The following DCAF8L2 variants were observed in gnomAD, a reference collection of about 807,000 sequenced individuals.
The protein encoded by DCAF8L2 is DDB1 and CUL4 associated factor 8 like 2, also known as DDB1- and CUL4-associated factor 8-like protein 2.
For missense variants in DCAF8L2, 430 were observed against 490.7 expected, an observed-to-expected ratio of 0.88 and a Z score of 1.17; for synonymous variants, 200 against 190.9, an observed-to-expected ratio of 1.05 and a Z score of -0.39.
In DCAF8L2 at chrX:27,644,355, G is replaced by A. The variant is rs999414313; in HGVS notation, c.-220+12355G>A. ...CTTTATCCCCAGGGTACACAGGAAA[G>A]ACACAGAGGAGATATTCAATTACTG... On this transcript the variant is annotated intron_variant, in intron 2 of 4. Coordinates refer to ENST00000451261, the MANE Select transcript of DCAF8L2 (RefSeq NM_001353450.2). Among the ~76,000 whole-genome samples, 19 of 111,773 alleles carry A rather than the reference G, an allele frequency of 1.7e-4. No homozygotes were observed. In the Admixed American group the frequency reaches 1.7e-3, roughly 10 times the overall value.
chrX:27,527,512 GTGGGCTGCACCCAC>G, the DCAF8L2 span, among the ~76,000 whole-genome samples: 1 of 111,104 alleles, frequency 9.0e-6, no homozygotes, highest in African/African-American at 3.3e-5. Context: ...CTCACGCTCG[GTGGGCTGCACCCAC>G]TGTCCTGCTC....
At chrX:27,576,774 A>G in the DCAF8L2 span, among the ~76,000 whole-genome samples, 1 of 112,283 alleles carries the variant, frequency 8.9e-6, no homozygotes, top group Non-Finnish European at 1.9e-5. Context: ...GTTATATTAA[A>G]AATACATTAA....
chrX:27,538,669 G>A, the DCAF8L2 span, among the ~76,000 whole-genome samples: 12 of 51 alleles, frequency 0.24, no homozygotes, highest in African/African-American at 0.42. Flanking sequence ...TGGGATTACA[G>A]GCGTGAGCAC....
the DCAF8L2 span, among the ~76,000 whole-genome samples, chrX:27,491,939 A>C: frequency 8.9e-6 from 1 of 112,384 alleles, no homozygotes; most frequent in Non-Finnish European, 1.9e-5. Flanking sequence ...CATAGCAAAA[A>C]ATCATCCATA....
the DCAF8L2 span, among the ~76,000 whole-genome samples, chrX:27,537,750 A>G: frequency 8.9e-6 from 1 of 112,049 alleles, no homozygotes; most frequent in African/African-American, 3.2e-5. Context: ...TTTTTTCTGC[A>G]TATTAAAGAT....
chrX:27,659,915 T>C (rs1401202630), intron 2 of DCAF8L2, among the ~76,000 whole-genome samples: 1 of 111,818 alleles, frequency 8.9e-6, no homozygotes, highest in Non-Finnish European at 1.9e-5. Flanking sequence ...TTCTTTTCAG[T>C]CATTTAATAT....
At chrX:27,562,443 C>T in the DCAF8L2 span, among the ~76,000 whole-genome samples, 5 of 112,397 alleles carry the variant, frequency 4.4e-5, no homozygotes, top group African/African-American at 1.3e-4. Context: ...TGGTGAGTGA[C>T]CCAGCTCTAA....
chrX:27,592,268 C>T (rs777025344), intron 1 of DCAF8L2, among the ~76,000 whole-genome samples: 1 of 112,361 alleles, frequency 8.9e-6, no homozygotes, highest in Non-Finnish European at 1.9e-5. Flanking sequence ...ACACAGCCTC[C>T]TTTCACGTCC....
At chrX:27,718,519 C>T (rs1178966241) in intron 4 of DCAF8L2, among the ~76,000 whole-genome samples, 1 of 111,481 alleles carries the variant, frequency 9.0e-6, no homozygotes, top group African/African-American at 3.3e-5. Context: ...AAACATTATT[C>T]TGAGTGTGCC....
intron 3 of DCAF8L2, among the ~76,000 whole-genome samples, chrX:27,702,481 A>G (rs1474306890): frequency 4.5e-5 from 5 of 110,534 alleles, no homozygotes; most frequent in African/African-American, 1.6e-4. Context: ...CTGAATATAG[A>G]GCATAAAAAA....
intron 1 of DCAF8L2, among the ~76,000 whole-genome samples, chrX:27,616,449 C>T (rs923004375): frequency 1.8e-5 from 2 of 110,824 alleles, no homozygotes; most frequent in Admixed American, 9.7e-5. Context: ...ATTCTGATAG[C>T]AAAAATGGTA....
At chrX:27,596,561 G>A (rs1048839590) in intron 1 of DCAF8L2, among the ~76,000 whole-genome samples, 2 of 111,226 alleles carry the variant, frequency 1.8e-5, no homozygotes, top group Non-Finnish European at 3.8e-5. Context: ...ATTGTATAAC[G>A]GGTGAAAAAC....
At chrX:27,543,652 G>C in the DCAF8L2 span, among the ~76,000 whole-genome samples, 1 of 111,162 alleles carries the variant, frequency 9.0e-6, no homozygotes, top group Admixed American at 9.6e-5. Flanking sequence ...TTTATGGCCA[G>C]GTTCAGCACA....
the DCAF8L2 span, among the ~76,000 whole-genome samples, chrX:27,573,239 C>CTCTT: frequency 6.5e-5 from 6 of 92,894 alleles, no homozygotes; most frequent in African/African-American, 2.5e-4. Context: ...AGAAATCTCT[C>CTCTT]TCTCTCTCTC....
At chrX:27,505,665 C>T in the DCAF8L2 span, among the ~76,000 whole-genome samples, 2 of 111,392 alleles carry the variant, frequency 1.8e-5, no homozygotes, top group Non-Finnish European at 3.8e-5. Flanking sequence ...TGGTGACTTT[C>T]TTCTAATGAA....
intron 3 of DCAF8L2, among the ~76,000 whole-genome samples, chrX:27,702,497 T>C (rs940124488): frequency 1.8e-5 from 2 of 110,251 alleles, no homozygotes; most frequent in Non-Finnish European, 3.8e-5. Context: ...AAAAAATAAC[T>C]TCACATCATC....
chrX:27,719,030 A>G (rs1931798701), intron 4 of DCAF8L2, among the ~76,000 whole-genome samples: 1 of 112,090 alleles, frequency 8.9e-6, no homozygotes, highest in Non-Finnish European at 1.9e-5. Flanking sequence ...GACTAGTACA[A>G]AGTCTTTCTG....
chrX:27,567,546 C>CATATATATAT, the DCAF8L2 span, among the ~76,000 whole-genome samples: 29 of 29,622 alleles, frequency 9.8e-4, no homozygotes, highest in East Asian at 4.3e-3. Flanking sequence ...ACCACTGTAG[C>CATATATATAT]ATATATATAT....
At chrX:27,526,285 A>G in the DCAF8L2 span, among the ~76,000 whole-genome samples, 1 of 111,623 alleles carries the variant, frequency 9.0e-6, no homozygotes, top group Non-Finnish European at 1.9e-5. Context: ...TTGATCTTCA[A>G]TCCTGATACC....
Sources: gnomAD v4.1 joint callset for allele counts (sites outside exome capture counted in the v4.1 genomes callset) on GRCh38, gnomAD v4.1.1 for gene constraint, MANE v1.5 for transcripts, NCBI Gene and HGNC (gene_info 2026-07-23, HGNC 2026-07-21) for gene names.